The following HS6ST2 variants were observed in gnomAD, a reference collection of about 807,000 sequenced individuals.
The protein encoded by HS6ST2 is heparan sulfate 6-O-sulfotransferase 2, also known as heparan-sulfate 6-O-sulfotransferase 2.
Under a neutral mutation model 33.0 loss-of-function variants are expected in HS6ST2, and 17 were observed. The ratio of observed to expected loss-of-function variants is 0.52; its 90% CI spans 0.35 to 0.77. The LOEUF (loss-of-function observed/expected upper bound fraction) is 0.77. Among genes scored for constraint, HS6ST2 ranks in the 30% least tolerant of loss-of-function variants. The pLI, the probability that HS6ST2 is intolerant of heterozygous loss-of-function variation, is 0.01. For synonymous variants in HS6ST2, 248 were observed against 237.1 expected (o/e 1.05, Z -0.42); for missense variants, 519 against 551.7 (o/e 0.94, Z 0.59).
At chrX:132,707,385 C>A (rs1352553629) in intron 3 of HS6ST2, among the ~76,000 whole-genome samples, 1 of 112,503 alleles carries the variant, frequency 8.9e-6, no homozygotes, top group Non-Finnish European at 1.9e-5. Flanking sequence ...AAATTATAAT[C>A]TGACTACAAA....
intron 2 of HS6ST2, among the ~76,000 whole-genome samples, chrX:132,715,079 C>G (rs772010138): frequency 8.1e-5 from 9 of 111,734 alleles, no homozygotes; most frequent in Admixed American, 9.5e-5. Flanking sequence ...CACCTTCTAC[C>G]CCAGGGTGCC....
At chrX:132,811,992 T>C (rs1319550028) in intron 2 of HS6ST2, among the ~76,000 whole-genome samples, 1 of 109,411 alleles carries the variant, frequency 9.1e-6, no homozygotes, top group Non-Finnish European at 1.9e-5. Context: ...TTTAATTTTT[T>C]TGAGAAAGCA....
At chrX:132,748,671 T>C (rs1463391626) in intron 2 of HS6ST2, among the ~76,000 whole-genome samples, 8 of 111,963 alleles carry the variant, frequency 7.1e-5, no homozygotes, top group African/African-American at 2.6e-4. Flanking sequence ...GGTGCAATCA[T>C]GGCTCACTGC....
chrX:132,755,172 A>T (rs144256845), intron 2 of HS6ST2, among the ~76,000 whole-genome samples: 1 of 112,594 alleles, frequency 8.9e-6, no homozygotes, highest in African/African-American at 3.2e-5. Flanking sequence ...CCATTTAATT[A>T]TATCAGTATG....
chrX:132,665,099 GT>G (rs1602556251), intron 4 of HS6ST2, among the ~76,000 whole-genome samples: 1 of 112,044 alleles, frequency 8.9e-6, no homozygotes, highest in Non-Finnish European at 1.9e-5. Context: ...AAATGAAGCA[GT>G]TGAGAAGTAC....
At chrX:132,676,424 A>C (rs1053671015) in intron 3 of HS6ST2, among the ~76,000 whole-genome samples, 5 of 112,528 alleles carry the variant, frequency 4.4e-5, no homozygotes, top group African/African-American at 1.6e-4. Flanking sequence ...ACAGGAAACA[A>C]CTGCCTATGC....
At chrX:132,834,962 C>G (rs900081436) in intron 2 of HS6ST2, among the ~76,000 whole-genome samples, 3 of 112,252 alleles carry the variant, frequency 2.7e-5, no homozygotes, top group African/African-American at 9.7e-5. Context: ...AACCCAAGTG[C>G]TTTCTAATGG....
At chrX:132,708,870 A>G (rs1264385653) in intron 2 of HS6ST2, among the ~76,000 whole-genome samples, 1 of 112,310 alleles carries the variant, frequency 8.9e-6, no homozygotes, top group Non-Finnish European at 1.9e-5. Context: ...CTGTGGCATC[A>G]CTGAAATGGA....
intron 2 of HS6ST2, among the ~76,000 whole-genome samples, chrX:132,882,415 G>T (rs781063974): frequency 1.7e-3 from 185 of 106,152 alleles, no homozygotes; most frequent in Non-Finnish European, 2.9e-3. Flanking sequence ...CTCATGATTT[G>T]GCTCTCTGTT....
intron 2 of HS6ST2, among the ~76,000 whole-genome samples, chrX:132,913,098 G>A (rs1345519240): frequency 4.5e-5 from 5 of 110,989 alleles, no homozygotes; most frequent in Admixed American, 3.8e-4. Flanking sequence ...CTGGCCTCTC[G>A]AGTCCCCTCT....
At chrX:132,772,342 A>G (rs1027642930) in intron 2 of HS6ST2, among the ~76,000 whole-genome samples, 1 of 110,526 alleles carries the variant, frequency 9.0e-6, no homozygotes, top group Non-Finnish European at 1.9e-5. Context: ...AAAAAGTGCT[A>G]ACATCTGGTT....
At chrX:132,706,243 G>T (rs1437559855) in intron 3 of HS6ST2, among the ~76,000 whole-genome samples, 1 of 111,769 alleles carries the variant, frequency 8.9e-6, no homozygotes, top group Non-Finnish European at 1.9e-5. Context: ...TAATTTTAAA[G>T]ATATGAAATA....
chrX:132,811,949 A>T (rs1181276734), intron 2 of HS6ST2, among the ~76,000 whole-genome samples: 2 of 107,978 alleles, frequency 1.9e-5, no homozygotes, highest in African/African-American at 6.7e-5. Context: ...TGTATTCATA[A>T]GTGGAATGGC....
At chrX:132,904,141 T>C (rs1415803749) in intron 2 of HS6ST2, among the ~76,000 whole-genome samples, 1 of 112,411 alleles carries the variant, frequency 8.9e-6, no homozygotes, top group African/African-American at 3.2e-5. Flanking sequence ...CTACCTAATA[T>C]AGATGGAAAG....
At chrX:132,819,542 G>A (rs2065431499) in intron 2 of HS6ST2, among the ~76,000 whole-genome samples, 1 of 111,707 alleles carries the variant, frequency 9.0e-6, no homozygotes, top group African/African-American at 3.3e-5. Flanking sequence ...ACAATACCCA[G>A]AGAACTAAGA....
intron 2 of HS6ST2, among the ~76,000 whole-genome samples, chrX:132,924,240 C>A (rs776663073): frequency 5.4e-5 from 6 of 111,600 alleles, no homozygotes; most frequent in African/African-American, 2.0e-4. Context: ...ATGCAAAAAT[C>A]TGATAATATA....
At chrX:132,879,061 C>T (rs1201644015) in intron 2 of HS6ST2, among the ~76,000 whole-genome samples, 1 of 111,699 alleles carries the variant, frequency 9.0e-6, no homozygotes, top group Non-Finnish European at 1.9e-5. Context: ...ATACAGTTCA[C>T]GAGAATTTCT....
intron 3 of HS6ST2, among the ~76,000 whole-genome samples, chrX:132,684,105 T>A (rs1018128952): frequency 9.2e-6 from 1 of 108,423 alleles, no homozygotes; most frequent in African/African-American, 3.4e-5. Context: ...AACTTGTGAT[T>A]AAAGAGAAGG....
chrX:132,896,252 C>A (rs1281012051), intron 2 of HS6ST2, among the ~76,000 whole-genome samples: 2 of 110,550 alleles, frequency 1.8e-5, no homozygotes, highest in African/African-American at 6.6e-5. Context: ...GGGTGGATCA[C>A]GAGGTCAGGA....
Sources: allele counts gnomAD v4.1 joint callset (sites outside exome capture counted in the v4.1 genomes callset), GRCh38; gene constraint gnomAD v4.1.1; transcripts MANE v1.5; gene names NCBI Gene and HGNC (gene_info 2026-07-23, HGNC 2026-07-21).